Variants in NLRP7 observed in about 807,000 individuals in gnomAD.
NLRP7 encodes the protein NACHT, LRR and PYD domains-containing protein 7.
In NLRP7, 72 loss-of-function variants were observed where a neutral mutation model predicts 85.5. The ratio of observed to expected loss-of-function variants is 0.84; its 90% CI spans 0.70 to 1.02. The LOEUF is 1.02. Ranked by LOEUF, NLRP7 falls within the 50% of genes least tolerant of loss-of-function variation. The pLI, the probability that NLRP7 is intolerant of heterozygous loss-of-function variation, is 0.00. For synonymous variants in NLRP7, 550 were observed against 505.2 expected (o/e 1.09, Z -1.19); for missense variants, 1,243 against 1,219.5 (o/e 1.02, Z -0.29).
rs1042698846 is a variant in NLRP7, at chr19:54,934,583, G to C, written c.2377C>G (p.His793Asp). The C allele has an allele frequency of 4.3e-6, 7 of 1,614,012 alleles. No individual in the cohort carries two copies. The Admixed American group carries it at 5.0e-5, about 12-fold the overall frequency. Residue 793 changes from histidine (H) to aspartate (D), a missense_variant, in exon 7 of 10, where the codon CAC becomes GAC. His to Asp is a moderately conservative substitution (Grantham distance 81, BLOSUM62 -1). Around this residue, in one of 3 missense-constraint regions of NLRP7, gnomAD observed 613 missense variants for 588.4 expected, o/e 1.04. Coordinates refer to ENST00000340844, the Ensembl canonical transcript of NLRP7. This position sits in a 1 kb window ranked among gnomAD's most constrained non-coding sequence, Gnocchi z 6.7. ...AGCACATTGGCTGAGAGACGCAGGT[G>C]CTTCAGGGACTGGTTGGCTTTGAGG...
intron 9 of NLRP7, among the ~76,000 whole-genome samples, chr19:54,928,864 G>A (rs947082256): frequency 9.9e-5 from 15 of 151,880 alleles, no homozygotes; most frequent in Non-Finnish European, 1.9e-4. Context: ...GTGCAATGGC[G>A]TGATCTCGGC....
chr19:54,938,283 C>A (rs1569540317), intron 4 of NLRP7, 42 bp from the exon 5 acceptor site: 1 of 1,546,640 alleles, frequency 6.5e-7, no homozygotes, highest in Non-Finnish European at 8.9e-7. Context: ...CTAGTACCTG[C>A]ATGGTGAGAT....
chr19:54,954,389 G>A (rs1224803592), intron 1 of NLRP7, among the ~76,000 whole-genome samples: 2 of 145,860 alleles, frequency 1.4e-5, no homozygotes, highest in African/African-American at 5.2e-5. Context: ...AATTAGCTGG[G>A]TGCGGTGGCG....
upstream of NLRP7, among the ~76,000 whole-genome samples, chr19:54,950,578 C>G (rs1602218226): frequency 6.6e-6 from 1 of 152,296 alleles, no homozygotes; most frequent in Middle Eastern, 3.4e-3. Flanking sequence ...AGGTAAAGAA[C>G]TAAGTGCTGT....
chr19:54,926,874 C>G (rs1202370279), intron 9 of NLRP7, among the ~76,000 whole-genome samples: 2 of 148,588 alleles, frequency 1.3e-5, no homozygotes, highest in Non-Finnish European at 3.0e-5. Context: ...CGAGATAGCG[C>G]CACTGCACTC....
intron 8 of NLRP7, among the ~76,000 whole-genome samples, chr19:54,931,458 G>A (rs2068674062): frequency 6.6e-6 from 1 of 152,102 alleles, no homozygotes; most frequent in Non-Finnish European, 1.5e-5. Context: ...GGGAGGCTGA[G>A]GCAGACAGAT....
At chr19:54,952,006 C>G (rs1019725237), upstream of NLRP7, among the ~76,000 whole-genome samples, 1 of 152,102 alleles carries the variant, frequency 6.6e-6, no homozygotes, top group Non-Finnish European at 1.5e-5. Flanking sequence ...CCCGCCTAGG[C>G]CTCCCAAAGT....
Position 54,941,766 on chromosome 19 carries a change from G to A in NLRP7, c.-39-16C>T, listed in dbSNP as rs775886. On this transcript the variant is annotated splice_polypyrimidine_tract_variant and intron_variant, in intron 1 of 9. Transcript: ENST00000340844. ...GGCTGAAGAACTGGGGGGAAAAAAG[G>A]AAAAACAGTTCACGAGTTACCATCA... The A allele has an allele frequency of 0.4, 621,108 of 1,568,442 alleles. 126,807 individuals are homozygous for A. Among genetic ancestry groups the A allele is most frequent in the African/African-American group, 0.62 (44,877 of 72,602 alleles).
chr19:54,956,909 C>T (rs1218429903), intron 1 of NLRP7, among the ~76,000 whole-genome samples: 5 of 151,824 alleles, frequency 3.3e-5, no homozygotes, highest in East Asian at 3.9e-4. Flanking sequence ...GAATTACAGG[C>T]GTGAACCCAG....
intron 1 of NLRP7, among the ~76,000 whole-genome samples, chr19:54,943,222 A>G (rs1201236994): frequency 6.6e-6 from 1 of 151,532 alleles, no homozygotes; most frequent in Non-Finnish European, 1.5e-5. Flanking sequence ...ACACAGGAGG[A>G]TTGTTTGAGC....
exon 4 of NLRP7, chr19:54,940,457 T>A: frequency 6.2e-7 from 1 of 1,613,914 alleles, no homozygotes; most frequent in Non-Finnish European, 8.5e-7. Flanking sequence ...TCTCCATCCT[T>A]CCTTTTCACC....
chr19:54,959,897 T>G (rs535962552), intron 1 of NLRP7, among the ~76,000 whole-genome samples: 1 of 151,966 alleles, frequency 6.6e-6, no homozygotes, highest in Non-Finnish European at 1.5e-5. Context: ...GGGAGCCGAC[T>G]CCCGGCTGCA....
intron 8 of NLRP7, among the ~76,000 whole-genome samples, chr19:54,931,960 G>A (rs773428793): frequency 1.3e-5 from 2 of 152,010 alleles, no homozygotes; most frequent in African/African-American, 2.4e-5. Flanking sequence ...CTGAGCCCTG[G>A]GTCACTTATT....
rs752322272 is a variant in NLRP7 at position 54,936,404 on chromosome 19, C to T, written c.2157G>A (p.Ala719=). 3.7e-5 allele frequency: 60 copies of T among 1,613,934 alleles called. 1 individual carries two copies. The Admixed American group carries it at 5.3e-4, about 14-fold the overall frequency. Residue 719 remains alanine (A), a synonymous_variant, in exon 6 of 10, where the codon GCG becomes GCA. Coordinates refer to ENST00000340844, the Ensembl canonical transcript of NLRP7. The stretch of plus-strand genomic sequence containing the variant: ...TGAAAGCAAGACAGAAGTCCCGGTA[C>T]GCGGTGTCAGGGGTGACGTTTTTAA...
chr19:54,964,040 C>T lies in NLRP7; in HGVS notation c.-77+2000G>A, dbSNP rs531501229. Reference sequence around the variant, plus strand: ...GATTACAGGCACCCGCCACCACGCCCGACTAATTTTTTGTATTTTTAGTTG... The same window carrying T: ...GATTACAGGCACCCGCCACCACGCCTGACTAATTTTTTGTATTTTTAGTTG... On this transcript the variant is annotated intron_variant, in intron 1 of 2. Transcript: ENST00000587103. Among the ~76,000 whole-genome samples the T allele has an allele frequency of 1.1e-4, 17 of 149,446 alleles. No homozygotes were observed. The East Asian group carries it at 2.3e-3, about 20-fold the overall frequency.
upstream of NLRP7, chr19:54,949,091 A>C (rs1267913822): frequency 2.0e-5 from 3 of 152,082 alleles, no homozygotes; most frequent in African/African-American, 7.2e-5. Flanking sequence ...CAACCTGGGC[A>C]ACATGGCAAA....
intron 1 of NLRP7, among the ~76,000 whole-genome samples, chr19:54,942,125 G>C (rs750879394): frequency 6.6e-6 from 1 of 151,058 alleles, no homozygotes; most frequent in African/African-American, 2.4e-5. Flanking sequence ...GCGTGGTGGC[G>C]GGCACCTGTA....
At chr19:54,947,591 G>A (rs896001982), upstream of NLRP7, 8 of 1,289,550 alleles carry the variant, frequency 6.2e-6, no homozygotes, top group Admixed American at 6.9e-5. Context: ...GGGTGGAACC[G>A]CCCCACTGAG....
intron 1 of NLRP7, among the ~76,000 whole-genome samples, chr19:54,954,964 G>T (rs145839463): frequency 6.6e-6 from 1 of 151,998 alleles, no homozygotes; most frequent in Admixed American, 6.6e-5. Context: ...CCATAGTCTC[G>T]CCCTGAATTC....
Sources: gnomAD v4.1 joint callset for allele counts (sites outside exome capture counted in the v4.1 genomes callset) on GRCh38, gnomAD v4.1.1 for gene constraint, gnomAD v4.1.1 regional missense constraint, Gnocchi (gnomAD v3.1) non-coding constraint, MANE v1.5 for transcripts, NCBI Gene and HGNC (gene_info 2026-07-23, HGNC 2026-07-21) for gene names.